The following ITGA9 variants were observed in gnomAD, a reference collection of about 807,000 sequenced individuals.
ITGA9 encodes the protein integrin subunit alpha 9.
In ITGA9, 56 loss-of-function variants were observed where a neutral mutation model predicts 127.8. The observed-to-expected ratio is 0.44, with a 90% CI of 0.35 to 0.55. The LOEUF (loss-of-function observed/expected upper bound fraction) is 0.55. Among genes scored for constraint, ITGA9 ranks in the 20% least tolerant of loss-of-function variants. The probability of loss-of-function intolerance (pLI) is 0.00; values close to 1 mark genes in which losing one functional copy is unlikely to be tolerated. For missense variants in ITGA9, 1,196 were observed against 1,347.1 expected, an observed-to-expected ratio of 0.89 and a Z score of 1.76; for synonymous variants, 508 against 514.5, an observed-to-expected ratio of 0.99 and a Z score of 0.17.
chr3:37,779,054 A>C (rs1696943285), intron 24 of ITGA9, among the ~76,000 whole-genome samples: 1 of 152,126 alleles, frequency 6.6e-6, no homozygotes, highest in Admixed American at 6.5e-5. Flanking sequence ...CCTATCATAT[A>C]AAAAAGAAAA....
At chr3:37,708,255 T>TG (rs909221643) in intron 18 of ITGA9, among the ~76,000 whole-genome samples, 53 of 152,334 alleles carry the variant, frequency 3.5e-4, no homozygotes, top group African/African-American at 1.3e-3. Context: ...CCCAGGCTCC[T>TG]GTAGGGTTCC....
intron 23 of ITGA9, among the ~76,000 whole-genome samples, chr3:37,767,911 C>G (rs6550508): frequency 0.098 from 14,912 of 152,116 alleles, 1,891 homozygotes; most frequent in African/African-American, 0.29. Flanking sequence ...ATGAAATTAG[C>G]CATGTTCATA....
Position 37,799,311 on chromosome 3 carries a change from T to C in ITGA9, c.2890-4512T>C, listed in dbSNP as rs1697209266. Among the ~76,000 whole-genome samples, 6 of 152,310 alleles carry C rather than the reference T, an allele frequency of 3.9e-5. No individual in the cohort carries two copies. In the South Asian group the frequency reaches 1.2e-3, roughly 32 times the overall value. On this transcript the variant is annotated intron_variant, in intron 26 of 27. Transcript: ENST00000264741. The surrounding 1 kb of genome is among the most constrained non-coding windows in gnomAD (Gnocchi z 4.0). ...CTCCTGCCTCAGCCTCCCAAGTAGC[T>C]GGGACTACAGACATACACCATCACA...
intron 22 of ITGA9, 141 bp downstream of exon 22, chr3:37,744,175 C>T: frequency 1.4e-6 from 1 of 715,646 alleles, no homozygotes; most frequent in Non-Finnish European, 2.6e-6. Flanking sequence ...AGATCTGTAA[C>T]CACACACAGA....
chr3:37,526,067 C>T lies in ITGA9; in HGVS notation c.1369C>T (p.Leu457Phe). ...CTTCATGTCCGACAGCGTGGTTCTT[C>T]TCAGGTGAGAGGCCCCACTCTTGCT... ...GAFMSDSVVL[L>F]RARPVITVDV... Residue 457 changes from leucine to phenylalanine, a missense_variant, in exon 13 of 28, where the codon CTC becomes TTC. Leu to Phe is a conservative substitution (Grantham distance 22). Coordinates refer to ENST00000264741, the MANE Select transcript of ITGA9 (RefSeq NM_002207.3). 1 of 1,613,924 alleles carries T rather than the reference C, an allele frequency of 6.2e-7. No homozygotes were observed. Among genetic ancestry groups the T allele is most frequent in the Non-Finnish European group, 8.5e-7 (1 of 1,179,840 alleles).
At chr3:37,512,056 C>G (rs756538716) in intron 8 of ITGA9, among the ~76,000 whole-genome samples, 449 of 44,378 alleles carry the variant, frequency 0.01, 36 homozygotes, top group Non-Finnish European at 0.018. Flanking sequence ...TTCTTTCTTT[C>G]TTTCTTTCTT....
intron 23 of ITGA9, among the ~76,000 whole-genome samples, chr3:37,775,305 C>G (rs1696892898): frequency 6.6e-6 from 1 of 152,088 alleles, no homozygotes; most frequent in Admixed American, 6.5e-5. Context: ...AAATCAAAAC[C>G]ACGGTGAGAT....
chr3:37,823,218 T>A lies in ITGA9; in HGVS notation c.*4229T>A, dbSNP rs1358506200. On this transcript the variant is annotated 3_prime_UTR_variant, in exon 28 of 28. Coordinates refer to ENST00000264741, the MANE Select transcript of ITGA9 (RefSeq NM_002207.3). ...TGTTAAGGTTTTTTCTTTGTTGATGTTGTTGTTTTAATTCTAATGTGCACG... is the reference window on the plus strand; with the variant it reads ...TGTTAAGGTTTTTTCTTTGTTGATGATGTTGTTTTAATTCTAATGTGCACG... 1.3e-5 allele frequency: 2 copies of A among 152,242 alleles called. No homozygotes were observed. The highest frequency in any genetic ancestry group is 2.9e-5 in the Non-Finnish European group (2 of 68,036). The allele number at this position is 152,242 out of a possible 1,614,324, so 9.4% of individuals were successfully genotyped here.
chr3:37,820,354 C>T lies in ITGA9; in HGVS notation c.*1365C>T, dbSNP rs1324753001. Reference sequence around the variant, plus strand: ...TTCTCAATTCCTGCTGGCGTAATGGCTCCAGTAGCTCAGGACAGTCCTCTA... The same window carrying T: ...TTCTCAATTCCTGCTGGCGTAATGGTTCCAGTAGCTCAGGACAGTCCTCTA... On this transcript the variant is annotated 3_prime_UTR_variant, in exon 28 of 28. Transcript: ENST00000264741. 2.0e-5 allele frequency: 3 copies of T among 152,244 alleles called. No individual in the cohort carries two copies. Among genetic ancestry groups the T allele is most frequent in the African/African-American group, 7.2e-5 (3 of 41,426 alleles). The allele number at this position is 152,244 out of a possible 1,614,324, so 9.4% of individuals were successfully genotyped here.
rs572640036 is a variant in ITGA9, at chr3:37,493,810, T to C, written c.545-691T>C. ...ATGCCTGGAAAATGCTAAGCACTTG[T>C]CAAAAGTTTCCTACCCCTCTTCCTT... is the stretch of plus-strand genomic sequence containing the variant. On this transcript the variant is annotated intron_variant, in intron 4 of 27. Coordinates refer to ENST00000264741, the MANE Select transcript of ITGA9 (RefSeq NM_002207.3). 2.0e-5 allele frequency among the ~76,000 whole-genome samples: 3 copies of C among 152,294 alleles called. No individual in the cohort carries two copies. In the South Asian group the frequency reaches 6.2e-4, roughly 32 times the overall value.
At chr3:37,542,240 G>A (rs1242711887) in intron 14 of ITGA9, among the ~76,000 whole-genome samples, 185 bp from the exon 15 acceptor site, 1 of 152,068 alleles carries the variant, frequency 6.6e-6, no homozygotes, top group African/African-American at 2.4e-5. Flanking sequence ...CTTCTCTCTC[G>A]ATTCTTTGAG....
At chr3:37,787,471 G>C (rs1475052831) in intron 26 of ITGA9, among the ~76,000 whole-genome samples, 1 of 152,000 alleles carries the variant, frequency 6.6e-6, no homozygotes, top group African/African-American at 2.4e-5. Context: ...AAGAGTTCTT[G>C]GGAAGAGGCC....
intron 18 of ITGA9, among the ~76,000 whole-genome samples, chr3:37,706,762 A>G (rs1042799475): frequency 6.6e-6 from 1 of 152,228 alleles, no homozygotes; most frequent in Non-Finnish European, 1.5e-5. Context: ...AAGGCATATC[A>G]TAAACCATTT....
chr3:37,498,106 C>G (rs1698750980), intron 5 of ITGA9, among the ~76,000 whole-genome samples: 1 of 152,100 alleles, frequency 6.6e-6, no homozygotes, highest in South Asian at 2.1e-4. Context: ...GGTGGTGCCT[C>G]TGGTGAAAAG....
At chr3:37,650,800 C>T (rs892444554) in intron 16 of ITGA9, among the ~76,000 whole-genome samples, 28 of 144,116 alleles carry the variant, frequency 1.9e-4, no homozygotes, top group African/African-American at 5.7e-4. Flanking sequence ...ACACTGTTGT[C>T]GCTCTCATTT....
intron 15 of ITGA9, among the ~76,000 whole-genome samples, chr3:37,610,892 G>C (rs1471198935): frequency 6.6e-6 from 1 of 152,166 alleles, no homozygotes; most frequent in Non-Finnish European, 1.5e-5. Context: ...TTTTAATAAA[G>C]TTTTGTGGAT....
At chr3:37,711,666 A>G (rs1220276882) in intron 18 of ITGA9, among the ~76,000 whole-genome samples, 1 of 152,190 alleles carries the variant, frequency 6.6e-6, no homozygotes, top group Admixed American at 6.5e-5. Context: ...AGCCTCTCAC[A>G]GTGCTAGGAT....
intron 9 of ITGA9, 86 bp downstream of exon 9, chr3:37,513,986 G>A (rs916818558): frequency 9.4e-6 from 14 of 1,486,400 alleles, no homozygotes; most frequent in African/African-American, 5.5e-5. Flanking sequence ...CCTCTGGGCC[G>A]GCACTGGGGG....
chr3:37,678,793 T>A (rs1480033810), intron 17 of ITGA9, among the ~76,000 whole-genome samples: 1 of 152,238 alleles, frequency 6.6e-6, no homozygotes, highest in Non-Finnish European at 1.5e-5. Context: ...GTGGTTGATA[T>A]GGAAATGTAT....
Sources: gnomAD v4.1 joint callset for allele counts (sites outside exome capture counted in the v4.1 genomes callset) on GRCh38, gnomAD v4.1.1 for gene constraint, Gnocchi (gnomAD v3.1) non-coding constraint, MANE v1.5 for transcripts, NCBI Gene and HGNC (gene_info 2026-07-23, HGNC 2026-07-21) for gene names.